HSF5: variants seen among roughly 807,000 people sequenced by gnomAD.
HSF5 encodes the protein heat shock factor protein 5.
Under a neutral mutation model 50.8 loss-of-function variants are expected in HSF5, and 5 were observed. The observed-to-expected ratio is 0.10, with a 90% CI of 0.05 to 0.21. The LOEUF (loss-of-function observed/expected upper bound fraction) is 0.21, where lower values mean the gene tolerates loss of function less well. Ranked by LOEUF, HSF5 falls within the 10% of genes least tolerant of loss-of-function variation. HSF5 has a pLI of 1.00. For synonymous variants in HSF5, 307 were observed against 307.4 expected (o/e 1.00, Z 0.02); for missense variants, 564 against 762.6 (o/e 0.74, Z 3.07).
intron 5 of HSF5, among the ~76,000 whole-genome samples, chr17:58,449,161 G>A (rs1317070980): frequency 6.6e-6 from 1 of 152,070 alleles, no homozygotes; most frequent in African/African-American, 2.4e-5. Flanking sequence ...AAAAAGCAAG[G>A]AATTAAAATA....
At chr17:58,425,587 A>AAAAC (rs1263615956) in intron 5 of HSF5, among the ~76,000 whole-genome samples, 7 of 150,612 alleles carry the variant, frequency 4.6e-5, no homozygotes, top group Non-Finnish European at 1.0e-4. Context: ...AAAAAAAAAA[A>AAAAC]AAAAAAAAAA....
At chr17:58,448,213 G>C (rs1005703417) in intron 5 of HSF5, among the ~76,000 whole-genome samples, 6 of 148,826 alleles carry the variant, frequency 4.0e-5, no homozygotes, top group African/African-American at 1.5e-4. Context: ...AGAACTAAAA[G>C]GAACAAAGAA....
chr17:58,473,879 T>C (rs191672386), intron 2 of HSF5, among the ~76,000 whole-genome samples: 162 of 152,288 alleles, frequency 1.1e-3, no homozygotes, highest in African/African-American at 3.8e-3. Flanking sequence ...ATTTTTTTTT[T>C]TTGAGACAAG....
At chr17:58,447,854 TATCA>T (rs777246612) in intron 5 of HSF5, among the ~76,000 whole-genome samples, 16 of 152,096 alleles carry the variant, frequency 1.1e-4, no homozygotes, top group Admixed American at 2.6e-4. Context: ...TGTCCACTAA[TATCA>T]AGAACATTCA....
At chr17:58,476,772 A>T in intron 2 of HSF5, 1 of 1,597,862 alleles carries the variant, frequency 6.3e-7, no homozygotes, top group Non-Finnish European at 8.6e-7. Context: ...AGTTTGTTAT[A>T]TTTCTGTTCT....
Position 58,480,155 on chromosome 17 carries a change from T to C in HSF5, c.663A>G (p.Leu221=). 6.2e-7 allele frequency: 1 copy of C among 1,614,218 alleles called. No homozygotes were observed. Among genetic ancestry groups the C allele is most frequent in the Non-Finnish European group, 8.5e-7 (1 of 1,180,030 alleles). Residue 221 remains leucine (L), a synonymous_variant, in exon 2 of 6, where the codon TTA becomes TTG. Transcript: ENST00000323777. ...HDHSTYPLKG[L]DRTPVPHRIW... is the part of the protein sequence containing the mutation. ...TTCTATGAGGAACTGGGGTCCGATCTAAACCTTTCAGAGGGTAAGTACTGT... is the reference window on the plus strand; with the variant it reads ...TTCTATGAGGAACTGGGGTCCGATCCAAACCTTTCAGAGGGTAAGTACTGT...
intron 5 of HSF5, 141 bp downstream of exon 5, chr17:58,458,627 A>G: frequency 1.6e-6 from 1 of 614,986 alleles, no homozygotes; most frequent in Non-Finnish European, 2.8e-6. Flanking sequence ...TAGAGTTAAA[A>G]TTACAGCTAT....
chr17:58,431,765 G>A (rs1974367667), intron 5 of HSF5, among the ~76,000 whole-genome samples: 1 of 152,144 alleles, frequency 6.6e-6, no homozygotes, highest in African/African-American at 2.4e-5. Context: ...CCAAGCCCAA[G>A]GCAGGCATTC....
intron 5 of HSF5, among the ~76,000 whole-genome samples, chr17:58,432,688 T>C (rs1280051817): frequency 6.6e-6 from 1 of 152,124 alleles, no homozygotes. Flanking sequence ...CTTCTACATA[T>C]ATATATATAG....
intron 2 of HSF5, among the ~76,000 whole-genome samples, chr17:58,470,130 TCTC>T (rs538584321): frequency 2.6e-5 from 4 of 152,176 alleles, no homozygotes; most frequent in African/African-American, 4.8e-5. Context: ...AACCCCAGTA[TCTC>T]CTCATTTATG....
chr17:58,433,999 C>T (rs991085382), intron 5 of HSF5, among the ~76,000 whole-genome samples: 3 of 142,376 alleles, frequency 2.1e-5, no homozygotes, highest in East Asian at 2.1e-4. Flanking sequence ...GTGCAACCTC[C>T]GCCTCCCGGA....
intron 1 of HSF5, among the ~76,000 whole-genome samples, chr17:58,485,071 CA>C (rs1334505277): frequency 2.6e-5 from 4 of 151,096 alleles, no homozygotes; most frequent in Admixed American, 2.6e-4. Context: ...GCTCCTGCCT[CA>C]GCCTCCCGAG....
At chr17:58,487,607 C>A in intron 1 of HSF5, 118 bp downstream of exon 1, 1 of 1,287,680 alleles carries the variant, frequency 7.8e-7, no homozygotes, top group East Asian at 3.2e-5. Flanking sequence ...CAATGGGTCC[C>A]CGGCGCCTTT....
chr17:58,446,992 GCACAC>G (rs1244468356), intron 5 of HSF5, among the ~76,000 whole-genome samples: 1 of 152,144 alleles, frequency 6.6e-6, no homozygotes, highest in African/African-American at 2.4e-5. Context: ...AGGTGTGGTG[GCACAC>G]GCCTGTAGTC....
intron 1 of HSF5, among the ~76,000 whole-genome samples, chr17:58,482,160 C>T (rs980640226): frequency 3.3e-5 from 5 of 151,864 alleles, no homozygotes; most frequent in Admixed American, 2.0e-4. Context: ...AACAAATACG[C>T]ACATATGAAC....
chr17:58,465,881 T>C (rs1240142021), intron 3 of HSF5, among the ~76,000 whole-genome samples: 1 of 152,200 alleles, frequency 6.6e-6, no homozygotes, highest in African/African-American at 2.4e-5. Context: ...GAAGTAAAAG[T>C]TGAGCATCCT....
At chr17:58,473,323 G>A (rs1175643066) in intron 2 of HSF5, among the ~76,000 whole-genome samples, 1 of 152,058 alleles carries the variant, frequency 6.6e-6, no homozygotes, top group African/African-American at 2.4e-5. Context: ...CCATTGCCTT[G>A]AGTTTAAAAC....
intron 5 of HSF5, among the ~76,000 whole-genome samples, chr17:58,445,727 G>C (rs1467342539): frequency 1.3e-5 from 2 of 152,164 alleles, no homozygotes; most frequent in Non-Finnish European, 2.9e-5. Context: ...CCAGGGGAAG[G>C]AGGAAAAGGA....
chr17:58,465,338 A>G (rs1018913428), intron 3 of HSF5, among the ~76,000 whole-genome samples: 2 of 151,856 alleles, frequency 1.3e-5, no homozygotes, highest in Non-Finnish European at 2.9e-5. Flanking sequence ...TTGTCTCTAT[A>G]ACAAGAAAAG....
Sources: gnomAD v4.1 joint callset for allele counts (sites outside exome capture counted in the v4.1 genomes callset) on GRCh38, gnomAD v4.1.1 for gene constraint, MANE v1.5 for transcripts, NCBI Gene and HGNC (gene_info 2026-07-23, HGNC 2026-07-21) for gene names.